The following ONECUT3 variants were observed in gnomAD, a reference collection of about 807,000 sequenced individuals.
ONECUT3 encodes the protein one cut homeobox 3.
ONECUT3 carries 11 observed loss-of-function variants against 16.8 expected under a neutral mutation model. The ratio of observed to expected loss-of-function variants is 0.66; its 90% CI spans 0.41 to 1.09. ONECUT3 has a LOEUF of 1.09. Ranked by LOEUF, ONECUT3 falls within the 50% of genes least tolerant of loss-of-function variation. The pLI, the probability that ONECUT3 is intolerant of heterozygous loss-of-function variation, is 0.00. For synonymous variants in ONECUT3, 344 were observed against 310.7 expected (o/e 1.11, Z -1.13); for missense variants, 637 against 629.9 (o/e 1.01, Z -0.12).
Position 1,754,239 on chromosome 19 carries a change from C to A in ONECUT3, c.577C>A (p.Pro193Thr), listed in dbSNP as rs2145954603. The A allele has an allele frequency of 9.2e-7, 1 of 1,087,380 alleles. No homozygotes were observed. Among genetic ancestry groups the A allele is most frequent in the South Asian group, 3.2e-5 (1 of 31,646 alleles). 67.4% of individuals were successfully genotyped at this position (1,087,380 alleles called of 1,614,324 possible). A position where few individuals can be genotyped will look rare whatever the true frequency, so the allele number is the denominator to read the frequency against. The change falls in exon 1 of 2, where the codon CCC (proline) becomes ACC (threonine). Residue 193 changes from proline to threonine, a missense_variant. Pro to Thr is a conservative substitution (Grantham distance 38). Around this residue, in one of 3 missense-constraint regions of ONECUT3, gnomAD observed 419 missense variants for 377.9 expected, o/e 1.11. Coordinates refer to ENST00000382349, the MANE Select transcript of ONECUT3 (RefSeq NM_001080488.2). This position sits in a 1 kb window ranked among gnomAD's most constrained non-coding sequence, Gnocchi z 7.4. The part of the protein sequence containing the change: ...HLYGPYGKEL[P>T]AMGSPLSPLP... ...CTACGGACCCTACGGCAAGGAGCTG[C>A]CCGCCATGGGGTCGCCGCTGTCGCC...
chr19:1,759,499 A>G lies in ONECUT3; in HGVS notation c.1192+4645A>G, dbSNP rs542480883. ...GCAGGGAGAGGAGGAGGAGGAGGAG[A>G]GGGAAGGGAGGGAAGGAAGGGGAGA... On this transcript the variant is annotated intron_variant, in intron 1 of 1. Transcript: ENST00000382349. This position sits in a 1 kb window ranked among gnomAD's most constrained non-coding sequence, Gnocchi z 4.1. 5.3e-5 allele frequency among the ~76,000 whole-genome samples: 8 copies of G among 150,694 alleles called. No individual in the cohort carries two copies. The East Asian group carries it at 1.6e-3, about 30-fold the overall frequency.
In ONECUT3 at chr19:1,758,315, A is replaced by AAGAGAGAGAGAG. The variant is rs1301162596; in HGVS notation, c.1192+3471_1192+3482dup. On this transcript the variant is annotated intron_variant, in intron 1 of 1. Coordinates refer to ENST00000382349, the MANE Select transcript of ONECUT3 (RefSeq NM_001080488.2). The surrounding 1 kb of genome is among the most constrained non-coding windows in gnomAD (Gnocchi z 5.9). ...GCAGAGAGACCAAAAAAAAAAAAAA[A>AAGAGAGAGAGAG]AGAGAGAGAGAGAGAGAGAGACAGA... Among the ~76,000 whole-genome samples the AAGAGAGAGAGAG allele has an allele frequency of 1.2e-4, 9 of 77,054 alleles. No homozygotes were observed. Among genetic ancestry groups the AAGAGAGAGAGAG allele is most frequent in the African/African-American group, 3.2e-4 (8 of 24,836 alleles). The allele number at this position is 77,054 out of a possible 152,430, so 50.6% of individuals were successfully genotyped here.
intron 1 of ONECUT3, among the ~76,000 whole-genome samples, chr19:1,774,808 C>T (rs530201593): frequency 7.9e-5 from 12 of 151,516 alleles, no homozygotes; most frequent in Admixed American, 6.6e-4. Flanking sequence ...CCTCCCCCCA[C>T]CCCCACCGCA....
Position 1,753,644 on chromosome 19 carries a change from G to T in ONECUT3, c.-19G>T, listed in dbSNP as rs949189132. Reference sequence around the variant, plus strand: ...GGGGCCGGCGCTGAGGAGCGCGCGCGGCGGGAGGGCAGCCGAGCATGGAGC... The same window carrying T: ...GGGGCCGGCGCTGAGGAGCGCGCGCTGCGGGAGGGCAGCCGAGCATGGAGC... On this transcript the variant is annotated 5_prime_UTR_variant, in exon 1 of 2. Transcript: ENST00000382349. 3 of 1,019,268 alleles carry T rather than the reference G, an allele frequency of 2.9e-6. No homozygotes were observed. Among genetic ancestry groups the T allele is most frequent in the African/African-American group, 1.7e-5 (1 of 57,632 alleles). The allele number at this position is 1,019,268 out of a possible 1,614,324, so 63.1% of individuals were successfully genotyped here.
At chr19:1,768,987 AGGTGGAGGTGAT>A (rs1375309427) in intron 1 of ONECUT3, among the ~76,000 whole-genome samples, 11 of 140,530 alleles carry the variant, frequency 7.8e-5, no homozygotes, top group Non-Finnish European at 1.5e-4. Flanking sequence ...GTGGAAGTGG[AGGTGGAGGTGAT>A]GGTGGAGGTG....
At chr19:1,761,251 C>G (rs188535379) in intron 1 of ONECUT3, among the ~76,000 whole-genome samples, 4 of 152,082 alleles carry the variant, frequency 2.6e-5, no homozygotes, top group Non-Finnish European at 4.4e-5. Context: ...CCGGGTTTCA[C>G]CACGTTGACC....
chr19:1,763,676 C>A (rs2067959973), intron 1 of ONECUT3, among the ~76,000 whole-genome samples: 2 of 151,768 alleles, frequency 1.3e-5, no homozygotes, highest in Admixed American at 1.3e-4. Context: ...GTCTGTATTT[C>A]TCCTTCTTGC....
intron 1 of ONECUT3, among the ~76,000 whole-genome samples, chr19:1,773,772 G>A (rs2068078631): frequency 6.6e-6 from 1 of 152,132 alleles, no homozygotes; most frequent in Non-Finnish European, 1.5e-5. Context: ...GTTTCAAGCT[G>A]ATGCCACAAA....
Position 1,754,657 on chromosome 19 carries a change from C to A in ONECUT3, c.995C>A (p.Ala332Glu), listed in dbSNP as rs774239030. ...AAGGAGGTGGCGCAGCGCATCACGGCGGAGCTGAAGCGCTACAGCATCCCG... is the reference window on the plus strand; with the variant it reads ...AAGGAGGTGGCGCAGCGCATCACGGAGGAGCTGAAGCGCTACAGCATCCCG... ...NTKEVAQRIT[A>E]ELKRYSIPQA... The change falls in exon 1 of 2, where the codon GCG (alanine) becomes GAG (glutamate). Residue 332 changes from alanine (A) to glutamate (E), a missense_variant. Transcript: ENST00000382349. The surrounding 1 kb of genome is among the most constrained non-coding windows in gnomAD (Gnocchi z 7.4). 8 of 1,516,772 alleles carry A rather than the reference C, an allele frequency of 5.3e-6. No individual in the cohort carries two copies. Among genetic ancestry groups the A allele is most frequent in the Non-Finnish European group, 6.2e-6 (7 of 1,133,302 alleles). The allele number at this position is 1,516,772 out of a possible 1,614,324, so 94.0% of individuals were successfully genotyped here. A position where few individuals can be genotyped will look rare whatever the true frequency, so the allele number is the denominator to read the frequency against.
intron 1 of ONECUT3, among the ~76,000 whole-genome samples, chr19:1,768,151 G>A (rs2068010431): frequency 6.6e-6 from 1 of 152,146 alleles, no homozygotes; most frequent in Admixed American, 6.5e-5. Flanking sequence ...CCCCTGGACA[G>A]AGCAGGTGAA....
chr19:1,766,983 C>T lies in ONECUT3; in HGVS notation c.1193-8170C>T, dbSNP rs2067997679. Among the ~76,000 whole-genome samples, 1 of 151,558 alleles carries T rather than the reference C, an allele frequency of 6.6e-6. No homozygotes were observed. Among genetic ancestry groups the T allele is most frequent in the South Asian group, 2.1e-4 (1 of 4,800 alleles). The stretch of plus-strand genomic sequence containing the variant: ...CCCTGGGAGTCCCAGAGGAGGGGCC[C>T]CGGGCTCCGCTGCGGGGGGAGGGAG... On this transcript the variant is annotated intron_variant, in intron 1 of 1. Coordinates refer to ENST00000382349, the MANE Select transcript of ONECUT3 (RefSeq NM_001080488.2). The surrounding 1 kb of genome is among the most constrained non-coding windows in gnomAD (Gnocchi z 4.0).
Position 1,754,014 on chromosome 19 carries a change from G to A in ONECUT3, c.352G>A (p.Ala118Thr), listed in dbSNP as rs1372643966. The A allele has an allele frequency of 2.8e-5, 28 of 992,562 alleles. No individual in the cohort carries two copies. Among genetic ancestry groups the A allele is most frequent in the East Asian group, 1.1e-4 (1 of 9,404 alleles). The allele number at this position is 992,562 out of a possible 1,614,324, so 61.5% of individuals were successfully genotyped here. Residue 118 changes from alanine to threonine, a missense_variant, in exon 1 of 2, where the codon GCG (alanine) becomes ACG (threonine). By Grantham distance (58) the Ala-to-Thr change is moderately conservative. Around this residue, in one of 3 missense-constraint regions of ONECUT3, gnomAD observed 419 missense variants for 377.9 expected, o/e 1.11. Coordinates refer to ENST00000382349, the MANE Select transcript of ONECUT3 (RefSeq NM_001080488.2). The surrounding 1 kb of genome is among the most constrained non-coding windows in gnomAD (Gnocchi z 7.4). ...GCCCCTGCAGCACCTGCCGCCGCTC[G>A]CGGCCGTGGCCGACAAGTTCCACCA... is the stretch of plus-strand genomic sequence containing the variant. ...LTPLQHLPPLAAVADKFHQHA... is the reference protein window; with the variant it reads ...LTPLQHLPPLTAVADKFHQHA...
At chr19:1,768,126 CCTCA>C (rs373414339) in intron 1 of ONECUT3, among the ~76,000 whole-genome samples, 4 of 152,100 alleles carry the variant, frequency 2.6e-5, no homozygotes, top group African/African-American at 9.6e-5. Context: ...GGACCCAAAC[CCTCA>C]CTCAATGGGG....
chr19:1,773,516 C>A (rs576849978), intron 1 of ONECUT3, among the ~76,000 whole-genome samples: 1 of 152,286 alleles, frequency 6.6e-6, no homozygotes, highest in African/African-American at 2.4e-5. Context: ...GGACATTGAT[C>A]TAGCATGTCA....
intron 1 of ONECUT3, among the ~76,000 whole-genome samples, chr19:1,770,266 T>A (rs149013852): frequency 5.9e-4 from 89 of 151,986 alleles, no homozygotes; most frequent in African/African-American, 2.1e-3. Context: ...TTTGTGGGGG[T>A]TTTTTGTTTT....
chr19:1,755,163 G>A lies in ONECUT3; in HGVS notation c.1192+309G>A, dbSNP rs917152111. Among the ~76,000 whole-genome samples, 23 of 152,182 alleles carry A rather than the reference G, an allele frequency of 1.5e-4. No homozygotes were observed. The highest frequency in any genetic ancestry group is 5.3e-4 in the African/African-American group (22 of 41,448). On this transcript the variant is annotated intron_variant, in intron 1 of 1. Transcript: ENST00000382349. This position sits in a 1 kb window ranked among gnomAD's most constrained non-coding sequence, Gnocchi z 7.5. The stretch of plus-strand genomic sequence containing the variant: ...TGGGAGGCTCCGAGCCTCTCCCCAA[G>A]CAGCCCTCAGGGAAGCTCATTGTGT...
rs2067933168 is a variant in ONECUT3, at chr19:1,759,158, G to A, written c.1192+4304G>A. Reference sequence around the variant, plus strand: ...TCCTAGGGACAAAAACCAGAGCTGTGTATGGAGTTGCATGCTGAGGGCAGC... The same window carrying A: ...TCCTAGGGACAAAAACCAGAGCTGTATATGGAGTTGCATGCTGAGGGCAGC... On this transcript the variant is annotated intron_variant, in intron 1 of 1. Transcript: ENST00000382349. This position sits in a 1 kb window ranked among gnomAD's most constrained non-coding sequence, Gnocchi z 4.1. Among the ~76,000 whole-genome samples, 1 of 152,190 alleles carries A rather than the reference G, an allele frequency of 6.6e-6. No homozygotes were observed. Among genetic ancestry groups the A allele is most frequent in the Non-Finnish European group, 1.5e-5 (1 of 68,032 alleles).
At chr19:1,757,159 G>A (rs893435712) in intron 1 of ONECUT3, among the ~76,000 whole-genome samples, 2 of 151,844 alleles carry the variant, frequency 1.3e-5, no homozygotes, top group Non-Finnish European at 2.9e-5. Context: ...CCCCGCAGCC[G>A]GGTCAGCAGC....
rs1049281471 is a variant in ONECUT3 at position 1,755,384 on chromosome 19, G to T, written c.1192+530G>T. Among the ~76,000 whole-genome samples the T allele has an allele frequency of 6.6e-6, 1 of 152,078 alleles. No individual in the cohort carries two copies. Among genetic ancestry groups the T allele is most frequent in the African/African-American group, 2.4e-5 (1 of 41,424 alleles). ...GCTCAGCAGCAGAGGCCGAGCCCGCGCTCATCCCCCCACCTGCCCCAGCGC... is the reference window on the plus strand; with the variant it reads ...GCTCAGCAGCAGAGGCCGAGCCCGCTCTCATCCCCCCACCTGCCCCAGCGC... On this transcript the variant is annotated intron_variant, in intron 1 of 1. Coordinates refer to ENST00000382349, the MANE Select transcript of ONECUT3 (RefSeq NM_001080488.2). This position sits in a 1 kb window ranked among gnomAD's most constrained non-coding sequence, Gnocchi z 7.5.
Sources: allele counts gnomAD v4.1 joint callset (sites outside exome capture counted in the v4.1 genomes callset), GRCh38; gene constraint gnomAD v4.1.1; regional missense constraint gnomAD v4.1.1; non-coding constraint Gnocchi (gnomAD v3.1); transcripts MANE v1.5; gene names NCBI Gene and HGNC (gene_info 2026-07-23, HGNC 2026-07-21).